Variants in FAM47E observed in about 807,000 individuals in gnomAD.
FAM47E encodes the protein family with sequence similarity 47 member E, also known as protein FAM47E.
A neutral mutation model predicts 41.6 loss-of-function variants in FAM47E; 32 were observed. The observed-to-expected ratio is 0.77, with a 90% confidence interval of 0.58 to 1.03. The LOEUF is 1.03. FAM47E is among the 50% of genes least tolerant of loss of function. FAM47E has a pLI of 0.00. For missense variants in FAM47E, 424 were observed against 485.4 expected, an observed-to-expected ratio of 0.87 and a Z score of 1.19; for synonymous variants, 184 against 188.7, an observed-to-expected ratio of 0.98 and a Z score of 0.20.
At chr4:76,243,727 T>A (rs1290022592) in intron 2 of FAM47E, among the ~76,000 whole-genome samples, 1 of 152,202 alleles carries the variant, frequency 6.6e-6, no homozygotes, top group Non-Finnish European at 1.5e-5. Context: ...TTTTAAGTAT[T>A]TTTAAAGTTG....
chr4:76,279,911 A>G (rs1457642576), intron 6 of FAM47E: 3 of 170,434 alleles, frequency 1.8e-5, no homozygotes, highest in African/African-American at 7.1e-5. Context: ...TGATCAAATC[A>G]TATTTGATTG....
chr4:76,241,648 G>T (rs1043168632), intron 2 of FAM47E, among the ~76,000 whole-genome samples: 1 of 152,142 alleles, frequency 6.6e-6, no homozygotes, highest in African/African-American at 2.4e-5. Context: ...GCTTTCAATA[G>T]ACCCCAAAGT....
intron 4 of FAM47E, 142 bp from the exon 5 acceptor site, chr4:76,271,425 CT>C: frequency 1.0e-6 from 1 of 979,400 alleles, no homozygotes; most frequent in South Asian, 1.7e-5. Flanking sequence ...CCAAACACTT[CT>C]TGTCTTCAAT....
intron 2 of FAM47E, among the ~76,000 whole-genome samples, chr4:76,240,986 T>TTTG (rs907118412): frequency 7.9e-5 from 12 of 152,106 alleles, no homozygotes; most frequent in Non-Finnish European, 1.8e-4. Context: ...TGTTTTTGTT[T>TTTG]TTGTTGTTGT....
chr4:76,278,888 C>G (rs1735236461), intron 6 of FAM47E: 1 of 152,216 alleles, frequency 6.6e-6, no homozygotes, highest in South Asian at 2.1e-4. Context: ...GCATAGTACT[C>G]TAATGAGGAT....
intron 2 of FAM47E, among the ~76,000 whole-genome samples, chr4:76,219,751 G>A (rs1309685937): frequency 6.6e-6 from 1 of 152,030 alleles, no homozygotes; most frequent in Non-Finnish European, 1.5e-5. Flanking sequence ...GGGGGGCTTA[G>A]ATATTAGACT....
At chr4:76,256,645 C>T in intron 2 of FAM47E, 122 bp downstream of exon 2, 1 of 1,239,816 alleles carries the variant, frequency 8.1e-7, no homozygotes, top group Non-Finnish European at 1.1e-6. Flanking sequence ...TGAATGTCTC[C>T]CCCAGGATGC....
At chr4:76,217,697 A>G (rs1329153523) in intron 2 of FAM47E, 2 of 591,636 alleles carry the variant, frequency 3.4e-6, no homozygotes, top group Non-Finnish European at 6.1e-6. Context: ...AGGTATTGTT[A>G]TAGCAACACA....
chr4:76,269,744 T>G (rs1315447761), intron 4 of FAM47E: 1 of 151,774 alleles, frequency 6.6e-6, no homozygotes, highest in Admixed American at 6.6e-5. Flanking sequence ...GCTGTCATCA[T>G]GCCATTGCAC....
At chr4:76,233,790 T>C (rs1733534321) in intron 2 of FAM47E, among the ~76,000 whole-genome samples, 1 of 152,000 alleles carries the variant, frequency 6.6e-6, no homozygotes, top group Non-Finnish European at 1.5e-5. Flanking sequence ...GTGCCCCCAA[T>C]ATGTAAAACC....
chr4:76,280,584 G>T (rs754578676), intron 7 of FAM47E: 8 of 371,126 alleles, frequency 2.2e-5, no homozygotes, highest in Non-Finnish European at 3.9e-5. Flanking sequence ...ATTTCCCTGT[G>T]ATCTTTGACT....
intron 1 of FAM47E, among the ~76,000 whole-genome samples, chr4:76,253,553 TA>T (rs1734061327): frequency 6.6e-6 from 1 of 152,098 alleles, no homozygotes; most frequent in African/African-American, 2.4e-5. Flanking sequence ...GTAAGCTTAT[TA>T]ACTATGAGAG....
upstream of FAM47E, among the ~76,000 whole-genome samples, chr4:76,251,313 C>G (rs1733955546): frequency 6.6e-6 from 1 of 152,180 alleles, no homozygotes; most frequent in Non-Finnish European, 1.5e-5. Flanking sequence ...AGGAAAACAT[C>G]TCCCTGCTAA....
chr4:76,244,183 A>T (rs533599687), intron 2 of FAM47E, among the ~76,000 whole-genome samples: 1 of 152,202 alleles, frequency 6.6e-6, no homozygotes, highest in Non-Finnish European at 1.5e-5. Flanking sequence ...GCTATTGTGA[A>T]TAGTGCCACA....
intron 2 of FAM47E, among the ~76,000 whole-genome samples, chr4:76,262,337 A>G (rs1037139663): frequency 5.9e-5 from 9 of 152,192 alleles, no homozygotes; most frequent in Non-Finnish European, 1.0e-4. Flanking sequence ...GTTCTTATGG[A>G]ATACCTCTGT....
intron 2 of FAM47E, among the ~76,000 whole-genome samples, chr4:76,221,069 C>A (rs1482472884): frequency 6.6e-6 from 1 of 152,190 alleles, no homozygotes; most frequent in Non-Finnish European, 1.5e-5. Context: ...CTCCCTAAGT[C>A]CAGACTGCCT....
chr4:76,243,854 C>T (rs1317211590), intron 2 of FAM47E, among the ~76,000 whole-genome samples: 3 of 152,124 alleles, frequency 2.0e-5, no homozygotes, highest in East Asian at 1.9e-4. Context: ...CAACCCATCA[C>T]CTACATCAGG....
chr4:76,250,645 A>G (rs1477684992), upstream of FAM47E, among the ~76,000 whole-genome samples: 1 of 152,290 alleles, frequency 6.6e-6, no homozygotes, highest in East Asian at 1.9e-4. Flanking sequence ...CCCAGTTCTC[A>G]CAGAATTTCT....
In FAM47E at chr4:76,268,689, G is replaced by A; in HGVS notation, c.590G>A (p.Gly197Asp). 1.9e-6 allele frequency: 3 copies of A among 1,551,302 alleles called. No homozygotes were observed. Among genetic ancestry groups the A allele is most frequent in the Non-Finnish European group, 1.7e-6 (2 of 1,146,888 alleles). The change falls in exon 4 of 8, where the codon GGC becomes GAC. Residue 197 changes from glycine (G) to aspartate (D), a missense_variant. By Grantham distance (94) the Gly-to-Asp change is moderately conservative. Coordinates refer to ENST00000424749, the MANE Select transcript of FAM47E (RefSeq NM_001136570.3). ...AAGAAGACGTCTGTGTCAAACGCAG[G>A]CCAATGGCTTTATGAAGAAAAGCCA... ...PSKKTSVSNA[G>D]QWLYEEKPHK...
Sources: gnomAD v4.1 joint callset for allele counts (sites outside exome capture counted in the v4.1 genomes callset) on GRCh38, gnomAD v4.1.1 for gene constraint, MANE v1.5 for transcripts, NCBI Gene and HGNC (gene_info 2026-07-23, HGNC 2026-07-21) for gene names.